RAPH1: variants seen among roughly 807,000 people sequenced by gnomAD.
The protein encoded by RAPH1 is ras-associated and pleckstrin homology domains-containing protein 1.
In RAPH1, 18 loss-of-function variants were observed where a neutral mutation model predicts 88.1. The ratio of observed to expected loss-of-function variants is 0.20; its 90% confidence interval spans 0.14 to 0.30. The LOEUF is 0.30. Ranked by LOEUF, RAPH1 falls within the 10% of genes least tolerant of loss-of-function variation. The pLI is 1.00. For missense variants in RAPH1, 1,448 were observed against 1,543.2 expected, an observed-to-expected ratio of 0.94 and a Z score of 1.03; for synonymous variants, 587 against 559.0, an observed-to-expected ratio of 1.05 and a Z score of -0.71.
At position 203,439,666 on chromosome 2, in the gene RAPH1, C is replaced by T. The variant is rs778650662; in HGVS notation, c.3524G>A (p.Arg1175Gln). The T allele has an allele frequency of 1.1e-5, 17 of 1,613,980 alleles. No individual in the cohort carries two copies. Among genetic ancestry groups the T allele is most frequent in the Middle Eastern group, 1.6e-4 (1 of 6,084 alleles). ...TGAGCCGTGCCGAGTGATGGACTTT[C>T]GTTGCAGTGTCCTGTTGAGGTCAGC... Reference protein sequence around the residue: ...FLADLNRTLQRKSITRHGSLS... With the variant: ...FLADLNRTLQQKSITRHGSLS... Residue 1175 changes from arginine (R) to glutamine (Q), a missense_variant, in exon 14 of 14, where the codon CGA becomes CAA. Coordinates refer to ENST00000319170, the MANE Select transcript of RAPH1 (RefSeq NM_213589.3).
At position 203,455,600 on chromosome 2, in the gene RAPH1, T is replaced by A. The variant is rs191270185; in HGVS notation, c.1159-20A>T. On this transcript the variant is annotated intron_variant, in intron 8 of 13. Transcript: ENST00000319170. ...ACATTCCTAAAATAACAAGATTATT[T>A]GCAAAGACTTATGATCGTTGGATTC... is the stretch of plus-strand genomic sequence containing the variant. The A allele has an allele frequency of 4.5e-5, 73 of 1,609,522 alleles. No individual in the cohort carries two copies. In the Admixed American group the frequency reaches 1.2e-3, roughly 27 times the overall value.
intron 1 of RAPH1, among the ~76,000 whole-genome samples, chr2:203,502,776 C>T (rs1286570145): frequency 6.0e-5 from 9 of 150,036 alleles, no homozygotes; most frequent in African/African-American, 2.0e-4. Flanking sequence ...GCCGAGATCT[C>T]GCCACTGCAC....
intron 4 of RAPH1, among the ~76,000 whole-genome samples, chr2:203,463,570 C>T (rs986361614): frequency 5.3e-5 from 8 of 152,164 alleles, no homozygotes; most frequent in African/African-American, 1.9e-4. Flanking sequence ...AAAGCTGATC[C>T]CTTCCATTGA....
intron 8 of RAPH1, among the ~76,000 whole-genome samples, chr2:203,455,932 C>T (rs1212399523): frequency 6.6e-6 from 1 of 151,914 alleles, no homozygotes; most frequent in East Asian, 1.9e-4. Context: ...TTGCTTGAAC[C>T]TGGGAGGCGG....
At position 203,502,119 on chromosome 2, in the gene RAPH1, C is replaced by T. The variant is rs1165259179; in HGVS notation, c.1-6766G>A. Among the ~76,000 whole-genome samples, 4 of 152,334 alleles carry T rather than the reference C, an allele frequency of 2.6e-5. No homozygotes were observed. The East Asian group carries it at 5.8e-4, about 22-fold the overall frequency. ...AATGTGCTATGCTATTCAGAAGCTT[C>T]ATAGAAGCAAGCCTGAATTAACTAG... On this transcript the variant is annotated intron_variant, in intron 1 of 13. Coordinates refer to ENST00000319170, the MANE Select transcript of RAPH1 (RefSeq NM_213589.3).
At chr2:203,444,647 G>A (rs1279522215) in intron 13 of RAPH1, 2 of 420,348 alleles carry the variant, frequency 4.8e-6, no homozygotes, top group Non-Finnish European at 4.2e-6. Flanking sequence ...GAGATTTTAA[G>A]TCATTAGAGC....
At chr2:203,534,089 ACT>A (rs1033308609) in intron 1 of RAPH1, among the ~76,000 whole-genome samples, 1 of 152,036 alleles carries the variant, frequency 6.6e-6, no homozygotes, top group African/African-American at 2.4e-5. Flanking sequence ...CCATGGACTG[ACT>A]CTTTAATAAT....
intron 12 of RAPH1, chr2:203,445,588 A>C (rs1261825618): frequency 6.6e-6 from 1 of 152,446 alleles, no homozygotes; most frequent in African/African-American, 2.4e-5. Context: ...CAAGGCACAA[A>C]AAAGTTTTGA....
chr2:203,464,982 A>C (rs567811567), intron 4 of RAPH1, among the ~76,000 whole-genome samples: 4 of 152,330 alleles, frequency 2.6e-5, no homozygotes, highest in Admixed American at 2.6e-4. Context: ...CAAAACACTA[A>C]CACCACCAAA....
chr2:203,500,935 TTA>T (rs1457449590), intron 1 of RAPH1, among the ~76,000 whole-genome samples: 1 of 152,212 alleles, frequency 6.6e-6, no homozygotes, highest in Non-Finnish European at 1.5e-5. Flanking sequence ...TTATTTCCAG[TTA>T]TGTTTCAGTA....
chr2:203,534,508 A>ACCCC (rs71007530), intron 1 of RAPH1, among the ~76,000 whole-genome samples: 1 of 19,110 alleles, frequency 5.2e-5, no homozygotes, highest in Non-Finnish European at 1.7e-4. Context: ...CCCTCCGTCC[A>ACCCC]CCCCCCCCCC....
At chr2:203,513,148 C>G (rs11683935) in intron 1 of RAPH1, among the ~76,000 whole-genome samples, 66,601 of 151,464 alleles carry the variant, frequency 0.44, 16,627 homozygotes, top group Middle Eastern at 0.7. Context: ...CACTAACTAG[C>G]TAGAACTTTG....
At chr2:203,530,671 C>T (rs1016726056) in intron 1 of RAPH1, among the ~76,000 whole-genome samples, 4 of 152,124 alleles carry the variant, frequency 2.6e-5, no homozygotes, top group Admixed American at 2.6e-4. Flanking sequence ...GTAGGTAGAT[C>T]ACCTGAGGTC....
intron 13 of RAPH1, 194 bp from the exon 14 acceptor site, chr2:203,441,607 G>T: frequency 7.5e-7 from 1 of 1,341,716 alleles, no homozygotes; most frequent in Admixed American, 3.6e-5. Flanking sequence ...GGGCAAGAAG[G>T]AAACAGAAAA....
intron 1 of RAPH1, among the ~76,000 whole-genome samples, chr2:203,533,689 A>G (rs1243885304): frequency 6.6e-6 from 1 of 151,970 alleles, no homozygotes; most frequent in Non-Finnish European, 1.5e-5. Flanking sequence ...ACATTTTACT[A>G]TATAGTTCAC....
At chr2:203,500,287 A>T (rs1280048473) in intron 1 of RAPH1, among the ~76,000 whole-genome samples, 1 of 152,204 alleles carries the variant, frequency 6.6e-6, no homozygotes, top group African/African-American at 2.4e-5. Context: ...TGAATATGTA[A>T]GAGAAAGGAG....
rs1248700535 is a variant in RAPH1 at position 203,448,111 on chromosome 2, A to T, written c.1513-32T>A. 6.2e-7 allele frequency: 1 copy of T among 1,608,234 alleles called. No homozygotes were observed. The highest frequency in any genetic ancestry group is 8.5e-7 in the Non-Finnish European group (1 of 1,175,950). ...AGAAGACAGGAAATGGTGACATCTA[A>T]ACTTTACTGAGTATGATACAGAAGG... On this transcript the variant is annotated intron_variant, in intron 11 of 13. Transcript: ENST00000319170. This position sits in a 1 kb window ranked among gnomAD's most constrained non-coding sequence, Gnocchi z 4.1.
intron 4 of RAPH1, among the ~76,000 whole-genome samples, chr2:203,483,939 C>T (rs1212970003): frequency 6.6e-6 from 1 of 152,058 alleles, no homozygotes; most frequent in Non-Finnish European, 1.5e-5. Flanking sequence ...TTCCTGGTTC[C>T]GAGGCTTTTT....
intron 4 of RAPH1, among the ~76,000 whole-genome samples, chr2:203,479,501 C>T (rs775712187): frequency 3.3e-5 from 5 of 151,458 alleles, no homozygotes; most frequent in South Asian, 4.2e-4. Flanking sequence ...CCAGCTACTC[C>T]GGAAGCTGAG....
Sources: gnomAD v4.1 joint callset for allele counts (sites outside exome capture counted in the v4.1 genomes callset) on GRCh38, gnomAD v4.1.1 for gene constraint, Gnocchi (gnomAD v3.1) non-coding constraint, MANE v1.5 for transcripts, NCBI Gene and HGNC (gene_info 2026-07-23, HGNC 2026-07-21) for gene names.